TCF20: variants seen among roughly 807,000 people sequenced by gnomAD.
The protein encoded by TCF20 is SPRE-binding protein.
Under a neutral mutation model 148.6 loss-of-function variants are expected in TCF20, and 3 were observed. The ratio of observed to expected loss-of-function variants is 0.02; its 90% confidence interval spans 0.01 to 0.05. The LOEUF is 0.05. TCF20 is among the 10% of genes least tolerant of loss of function. The probability of loss-of-function intolerance (pLI) is 1.00; values close to 1 mark genes in which losing one functional copy is unlikely to be tolerated. For missense variants in TCF20, 2,350 were observed against 2,429.3 expected (o/e 0.97, Z 0.69); for synonymous variants, 1,049 against 909.5 (o/e 1.15, Z -2.76).
chr22:42,249,184 T>C (rs1243943702), intron 1 of TCF20, among the ~76,000 whole-genome samples: 3 of 152,210 alleles, frequency 2.0e-5, no homozygotes, highest in Admixed American at 6.5e-5. Context: ...CTGAGGCTTT[T>C]TGACCTTGGA....
Position 42,209,741 on chromosome 22 carries a change from A to G in TCF20, c.5565T>C (p.His1855=). Residue 1855 remains histidine, a synonymous_variant, in exon 2 of 6, where the codon CAT becomes CAC. Transcript: ENST00000677622. ...CATTGGCCCAGAGAATACAACCCTC[A>G]TGGACCCAAAATTCATTGCTGTCAA... is the stretch of plus-strand genomic sequence containing the variant. The part of the protein sequence containing the change: ...LPLDSNEFWV[H]EGCILWANGI... 1 of 1,614,218 alleles carries G rather than the reference A, an allele frequency of 6.2e-7. No homozygotes were observed. The highest frequency in any genetic ancestry group is 8.5e-7 in the Non-Finnish European group (1 of 1,180,026).
chr22:42,332,148 T>G (rs951852108), intron 1 of TCF20, among the ~76,000 whole-genome samples: 1 of 152,160 alleles, frequency 6.6e-6, no homozygotes, highest in Admixed American at 6.5e-5. Flanking sequence ...CTATTACAAA[T>G]GACATGGGCA....
rs1281636608 is a variant in TCF20 at position 42,290,909 on chromosome 22, TCTTAC to T, written c.-37+52565_-37+52569del. On this transcript the variant is annotated intron_variant, in intron 1 of 1. Coordinates refer to the TCF20 transcript ENST00000515426. This position sits in a 1 kb window ranked among gnomAD's most constrained non-coding sequence, Gnocchi z 4.2. Reference sequence around the variant, plus strand: ...TTCAGGGGCTTTGCAAAGCACCCCCTCTTACCTTACCTCGGTACAACCTCAGTACA... The same window carrying T: ...TTCAGGGGCTTTGCAAAGCACCCCCTCTTACCTCGGTACAACCTCAGTACA... Among the ~76,000 whole-genome samples, 4 of 152,158 alleles carry T rather than the reference TCTTAC, an allele frequency of 2.6e-5. No homozygotes were observed. Among genetic ancestry groups the T allele is most frequent in the Admixed American group, 2.6e-4 (4 of 15,280 alleles).
chr22:42,178,472 G>C (rs1936574167), intron 3 of TCF20, among the ~76,000 whole-genome samples: 1 of 151,900 alleles, frequency 6.6e-6, no homozygotes, highest in Non-Finnish European at 1.5e-5. Flanking sequence ...ACACCCAGTT[G>C]GTGTCCAATG....
intron 2 of TCF20, among the ~76,000 whole-genome samples, chr22:42,188,754 TTTC>T (rs1288630973): frequency 6.6e-6 from 1 of 152,226 alleles, no homozygotes; most frequent in Non-Finnish European, 1.5e-5. Flanking sequence ...ATAATAATCT[TTTC>T]TTTTTATTCA....
rs1373544457 is a variant in TCF20 at position 42,290,074 on chromosome 22, G to A, written c.-37+53405C>T. ...CGGCTCACTCCCGCCGCACGCATGCGCCCCCTGCACCGCCGGCTGCTGCTT... is the reference window on the plus strand; with the variant it reads ...CGGCTCACTCCCGCCGCACGCATGCACCCCCTGCACCGCCGGCTGCTGCTT... On this transcript the variant is annotated intron_variant, in intron 1 of 1. Transcript: ENST00000515426. The surrounding 1 kb of genome is among the most constrained non-coding windows in gnomAD (Gnocchi z 4.2). 1.3e-5 allele frequency among the ~76,000 whole-genome samples: 2 copies of A among 152,196 alleles called. No homozygotes were observed. Among genetic ancestry groups the A allele is most frequent in the African/African-American group, 2.4e-5 (1 of 41,452 alleles).
chr22:42,169,434 T>A (rs1022424675), intron 4 of TCF20, among the ~76,000 whole-genome samples: 4 of 152,224 alleles, frequency 2.6e-5, no homozygotes, highest in African/African-American at 9.6e-5. Context: ...CAGAGCCTTG[T>A]GGTCAGCTCG....
chr22:42,335,626 G>T (rs555454331), intron 1 of TCF20, among the ~76,000 whole-genome samples: 2 of 152,316 alleles, frequency 1.3e-5, no homozygotes, highest in East Asian at 1.9e-4. Context: ...CAGACAGCAG[G>T]GGGGCAGAGA....
chr22:42,265,051 A>C (rs1157461705), intron 1 of TCF20, among the ~76,000 whole-genome samples: 2 of 152,250 alleles, frequency 1.3e-5, no homozygotes, highest in African/African-American at 4.8e-5. Flanking sequence ...CCAGATAATA[A>C]GCCACGGATA....
At chr22:42,221,820 G>A (rs1922397521) in intron 1 of TCF20, among the ~76,000 whole-genome samples, 1 of 143,554 alleles carries the variant, frequency 7.0e-6, no homozygotes, top group South Asian at 2.3e-4. Context: ...CTCACTGCAA[G>A]CTCCGCCTCC....
chr22:42,337,405 C>T (rs749931763), intron 1 of TCF20, among the ~76,000 whole-genome samples: 25 of 152,202 alleles, frequency 1.6e-4, no homozygotes, highest in Non-Finnish European at 3.7e-4. Flanking sequence ...CCATTCCCCA[C>T]CTTCCTGCCT....
intron 1 of TCF20, among the ~76,000 whole-genome samples, chr22:42,301,719 T>G (rs190109753): frequency 6.6e-6 from 1 of 152,212 alleles, no homozygotes; most frequent in South Asian, 2.1e-4. Flanking sequence ...TGGGGAGACC[T>G]GGCTGCGTCC....
intron 1 of TCF20, among the ~76,000 whole-genome samples, chr22:42,308,971 C>T (rs1927483423): frequency 6.6e-6 from 1 of 152,132 alleles, no homozygotes; most frequent in African/African-American, 2.4e-5. Context: ...GAGGGTAGAG[C>T]TTACTGAGAG....
chr22:42,271,267 C>T (rs143449952), upstream of TCF20, among the ~76,000 whole-genome samples: 892 of 152,318 alleles, frequency 5.9e-3, 5 homozygotes, highest in Middle Eastern at 0.02. Context: ...GTTTCCACCG[C>T]GGAAAACGCG....
intron 3 of TCF20, among the ~76,000 whole-genome samples, chr22:42,173,077 G>A (rs1223549661): frequency 5.3e-5 from 8 of 151,740 alleles, no homozygotes; most frequent in East Asian, 1.9e-4. Context: ...CTACTGCAAC[G>A]AGAGCTGCAG....
intron 1 of TCF20, among the ~76,000 whole-genome samples, chr22:42,341,503 T>G (rs1219760568): frequency 6.6e-6 from 1 of 152,022 alleles, no homozygotes; most frequent in Non-Finnish European, 1.5e-5. Context: ...GCCCCTGAAC[T>G]CAAAGGCAGA....
Position 42,292,370 on chromosome 22 carries a change from C to G in TCF20, c.-37+51109G>C, listed in dbSNP as rs1246625506. 6.6e-6 allele frequency among the ~76,000 whole-genome samples: 1 copy of G among 152,168 alleles called. No homozygotes were observed. The highest frequency in any genetic ancestry group is 1.5e-5 in the Non-Finnish European group (1 of 68,030). On this transcript the variant is annotated intron_variant, in intron 1 of 1. Coordinates refer to the TCF20 transcript ENST00000515426. The surrounding 1 kb of genome is among the most constrained non-coding windows in gnomAD (Gnocchi z 4.9). ...AGGTCAAGGATGCCACAGAAGGAGC[C>G]CTTTCTGGCCTCATCCTGCCCTGCA...
rs113124666 is a variant in TCF20 at position 42,211,882 on chromosome 22, C to T, written c.3424G>A (p.Gly1142Ser). The change falls in exon 2 of 6, where the codon GGT becomes AGT. Residue 1142 changes from glycine to serine, a missense_variant. By Grantham distance (56) the Gly-to-Ser change is moderately conservative. Transcript: ENST00000677622. ...VRSPLKNDKD[G>S]MMYGPPVGTY... ...CCCACTGGTGGGCCATACATCATAC[C>T]ATCTTTGTCATTTTTCAGAGGGCTC... 2.5e-6 allele frequency: 4 copies of T among 1,614,130 alleles called. No individual in the cohort carries two copies. The South Asian group carries it at 4.4e-5, about 18-fold the overall frequency.
chr22:42,265,836 G>A (rs781102411), intron 1 of TCF20, among the ~76,000 whole-genome samples: 2 of 152,138 alleles, frequency 1.3e-5, no homozygotes, highest in African/African-American at 2.4e-5. Flanking sequence ...AGCCCTTTAC[G>A]TATTATGTTA....
Sources: gnomAD v4.1 joint callset for allele counts (sites outside exome capture counted in the v4.1 genomes callset) on GRCh38, gnomAD v4.1.1 for gene constraint, Gnocchi (gnomAD v3.1) non-coding constraint, MANE v1.5 for transcripts, NCBI Gene and HGNC (gene_info 2026-07-23, HGNC 2026-07-21) for gene names.